RIMS1: variants seen among roughly 807,000 people sequenced by gnomAD.
The protein encoded by RIMS1 is regulating synaptic membrane exocytosis 1.
A neutral mutation model predicts 214.1 loss-of-function variants in RIMS1; 83 were observed. The observed-to-expected ratio is 0.39, with a 90% CI of 0.32 to 0.47. The LOEUF (loss-of-function observed/expected upper bound fraction) is 0.47, where lower values mean the gene tolerates loss of function less well. Among genes scored for constraint, RIMS1 ranks in the 20% least tolerant of loss-of-function variants. The pLI is 0.99. For missense variants in RIMS1, 2,050 were observed against 2,161.8 expected (o/e 0.95, Z 1.03); for synonymous variants, 793 against 786.8 (o/e 1.01, Z -0.13).
intron 1 of RIMS1, among the ~76,000 whole-genome samples, chr6:71,917,797 G>A (rs1002458787): frequency 6.6e-6 from 1 of 152,122 alleles, no homozygotes; most frequent in Non-Finnish European, 1.5e-5. Context: ...GTGTTTGAGC[G>A]ATTGACTACA....
At chr6:71,954,183 T>C (rs1396515818) in intron 1 of RIMS1, among the ~76,000 whole-genome samples, 1 of 152,232 alleles carries the variant, frequency 6.6e-6, no homozygotes, top group Non-Finnish European at 1.5e-5. Flanking sequence ...TATCGTAAGA[T>C]ATATGATATA....
intron 6 of RIMS1, among the ~76,000 whole-genome samples, chr6:72,199,435 T>C (rs550396168): frequency 5.9e-5 from 9 of 152,256 alleles, no homozygotes; most frequent in African/African-American, 1.7e-4. Flanking sequence ...TTAGATGTAA[T>C]GATATTGTAA....
chr6:72,321,867 T>C (rs891768413), intron 28 of RIMS1, among the ~76,000 whole-genome samples: 1 of 152,106 alleles, frequency 6.6e-6, no homozygotes, highest in Admixed American at 6.6e-5. Context: ...TTCAAATGAG[T>C]CATCAAGGCC....
intron 1 of RIMS1, among the ~76,000 whole-genome samples, chr6:71,936,757 C>T (rs1244411690): frequency 1.3e-5 from 2 of 152,136 alleles, no homozygotes; most frequent in African/African-American, 2.4e-5. Flanking sequence ...TATCCAGTGC[C>T]GCATCCGTTT....
chr6:72,173,124 A>G (rs966015562), intron 4 of RIMS1, among the ~76,000 whole-genome samples: 7 of 152,196 alleles, frequency 4.6e-5, no homozygotes, highest in African/African-American at 1.7e-4. Flanking sequence ...TTCAGGACCC[A>G]TATCATTTTC....
chr6:72,390,314 T>C (rs1290388538), intron 29 of RIMS1, among the ~76,000 whole-genome samples: 2 of 152,176 alleles, frequency 1.3e-5, no homozygotes, highest in African/African-American at 4.8e-5. Flanking sequence ...CAGATTTTCA[T>C]TGAAGTTGTC....
At chr6:71,968,024 T>C (rs1794902581) in intron 1 of RIMS1, among the ~76,000 whole-genome samples, 1 of 152,208 alleles carries the variant, frequency 6.6e-6, no homozygotes, top group African/African-American at 2.4e-5. Context: ...GAAGCCTCCA[T>C]GAAAGCTCTT....
chr6:71,929,135 T>C (rs1782363917), intron 1 of RIMS1, among the ~76,000 whole-genome samples: 1 of 152,260 alleles, frequency 6.6e-6, no homozygotes, highest in African/African-American at 2.4e-5. Flanking sequence ...TCTGTTTTTC[T>C]ACATCATTAT....
At chr6:72,316,990 C>G (rs2095838979) in intron 28 of RIMS1, 1 of 555,720 alleles carries the variant, frequency 1.8e-6, no homozygotes, top group Non-Finnish European at 3.4e-6. Flanking sequence ...CCCAGTGGCT[C>G]CCTGCTGGGA....
intron 1 of RIMS1, among the ~76,000 whole-genome samples, chr6:71,935,449 AAAAC>A (rs748336071): frequency 6.6e-6 from 1 of 152,256 alleles, no homozygotes; most frequent in Non-Finnish European, 1.5e-5. Context: ...TGATAAGAAA[AAAAC>A]AAAAAATTTA....
chr6:72,377,730 G>C (rs1372329084), intron 29 of RIMS1, among the ~76,000 whole-genome samples: 3 of 151,896 alleles, frequency 2.0e-5, no homozygotes, highest in Non-Finnish European at 4.4e-5. Flanking sequence ...TATTCATCTT[G>C]TTCTTAGGAA....
At chr6:72,250,524 C>T in intron 13 of RIMS1, 64 bp downstream of exon 13, 1 of 1,210,514 alleles carries the variant, frequency 8.3e-7, no homozygotes, top group Non-Finnish European at 1.1e-6. Flanking sequence ...GTAGAATTTT[C>T]TCTTTTGGGA....
chr6:71,968,465 T>A (rs1795023788), intron 1 of RIMS1, among the ~76,000 whole-genome samples: 1 of 152,118 alleles, frequency 6.6e-6, no homozygotes, highest in Admixed American at 6.6e-5. Context: ...TTTCCTCCCC[T>A]CCTAGCATGA....
chr6:72,398,565 T>A (rs997891576), intron 32 of RIMS1, among the ~76,000 whole-genome samples: 1 of 152,148 alleles, frequency 6.6e-6, no homozygotes, highest in Admixed American at 6.5e-5. Flanking sequence ...GTTATAATAT[T>A]TTTTTTAAAG....
intron 23 of RIMS1, among the ~76,000 whole-genome samples, chr6:72,283,568 T>C (rs1005841006): frequency 6.6e-6 from 1 of 152,184 alleles, no homozygotes; most frequent in Non-Finnish European, 1.5e-5. Flanking sequence ...TCTTCTCTTT[T>C]CTTCACAATT....
rs1220563527 is a variant in RIMS1, at chr6:71,997,906, T to C, written c.245+28843T>C. ...CTAGAGAAAAACAAGTAAATTAGCTTGCTCTTCTTAAAAACTTTTAATGGT... is the reference window on the plus strand; with the variant it reads ...CTAGAGAAAAACAAGTAAATTAGCTCGCTCTTCTTAAAAACTTTTAATGGT... On this transcript the variant is annotated intron_variant, in intron 2 of 33. Coordinates refer to ENST00000521978, the MANE Select transcript of RIMS1 (RefSeq NM_014989.7). 2.6e-5 allele frequency among the ~76,000 whole-genome samples: 4 copies of C among 152,170 alleles called. No individual in the cohort carries two copies. In the East Asian group the frequency reaches 7.7e-4, roughly 29 times the overall value.
At chr6:72,135,983 A>C (rs2041216138) in intron 4 of RIMS1, among the ~76,000 whole-genome samples, 2 of 152,208 alleles carry the variant, frequency 1.3e-5, no homozygotes, top group African/African-American at 4.8e-5. Context: ...GAAATAACAA[A>C]GATTTGCATA....
In RIMS1 at chr6:72,183,088, G is replaced by A. The variant is rs2048574178; in HGVS notation, c.1617G>A (p.Ser539=). The change falls in exon 6 of 34, where the codon TCG becomes TCA. Residue 539 remains serine, a synonymous_variant. Coordinates refer to ENST00000521978, the MANE Select transcript of RIMS1 (RefSeq NM_014989.7). ...GCAGCTCTGAGGAGGAGGGCGTGTC[G>A]ACGCCCGAGTACACCAGCTGCGAGG... is the stretch of plus-strand genomic sequence containing the variant. The part of the protein sequence containing the change: ...SVSSSEEEGV[S]TPEYTSCEDV... 1.3e-6 allele frequency: 2 copies of A among 1,591,632 alleles called. No individual in the cohort carries two copies. The highest frequency in any genetic ancestry group is 2.3e-5 in the South Asian group (2 of 87,572).
At chr6:71,938,845 T>A (rs2150991176) in intron 1 of RIMS1, among the ~76,000 whole-genome samples, 1 of 152,368 alleles carries the variant, frequency 6.6e-6, no homozygotes, top group East Asian at 1.9e-4. Context: ...AACAGTCCTT[T>A]GATCACACCC....
Sources: allele counts gnomAD v4.1 joint callset (sites outside exome capture counted in the v4.1 genomes callset), GRCh38; gene constraint gnomAD v4.1.1; transcripts MANE v1.5; gene names NCBI Gene and HGNC (gene_info 2026-07-23, HGNC 2026-07-21).